The following AK8 variants were observed in gnomAD, a reference collection of about 807,000 sequenced individuals.
AK8 encodes the protein adenylate kinase 8.
A neutral mutation model predicts 54.6 loss-of-function variants in AK8; 44 were observed. That is an observed-to-expected ratio of 0.81 (90% CI 0.63 to 1.04). AK8 has a LOEUF of 1.04. AK8 is among the 50% of genes least tolerant of loss of function. The probability of loss-of-function intolerance (pLI) is 0.00; values close to 1 mark genes in which losing one functional copy is unlikely to be tolerated. For missense variants in AK8, 555 were observed against 613.6 expected, an observed-to-expected ratio of 0.90 and a Z score of 1.01; for synonymous variants, 239 against 245.6, an observed-to-expected ratio of 0.97 and a Z score of 0.25.
At position 132,857,820 on chromosome 9, in the gene AK8, C is replaced by T. The variant is rs146033012; in HGVS notation, c.334-2895G>A. ...CAGGGGACAGGCCTGCGGCTTTGAG[C>T]GCAGCTACTCCTGAGCGCCCCCCGC... On this transcript the variant is annotated intron_variant, in intron 4 of 12. Coordinates refer to ENST00000298545, the MANE Select transcript of AK8 (RefSeq NM_152572.3). Among the ~76,000 whole-genome samples the T allele has an allele frequency of 7.4e-3, 1,122 of 152,288 alleles. 48 individuals are homozygous for T. Among genetic ancestry groups the T allele is most frequent in the Admixed American group, 0.063 (961 of 15,304 alleles).
At chr9:132,823,122 C>T (rs1010721286) in intron 9 of AK8, 83 bp downstream of exon 9, 4 of 1,474,464 alleles carry the variant, frequency 2.7e-6, no homozygotes, top group African/African-American at 1.5e-5. Flanking sequence ...ACACCACCCC[C>T]CATAAAATGA....
intron 8 of AK8, among the ~76,000 whole-genome samples, chr9:132,824,441 C>T (rs1841791531): frequency 2.0e-5 from 3 of 152,200 alleles, no homozygotes; most frequent in Admixed American, 6.5e-5. Flanking sequence ...GGCCATCGTG[C>T]CTCCTTCAGG....
intron 4 of AK8, among the ~76,000 whole-genome samples, chr9:132,862,515 A>G (rs2526005): frequency 0.76 from 115,797 of 151,806 alleles, 44,353 homozygotes; most frequent in South Asian, 0.86. Context: ...TTTTGGTAGA[A>G]ATAGGGTTTC....
intron 11 of AK8, among the ~76,000 whole-genome samples, chr9:132,745,591 G>C (rs994796782): frequency 6.6e-6 from 1 of 152,016 alleles, no homozygotes; most frequent in Admixed American, 6.6e-5. Context: ...TGTTCTCTTC[G>C]GGACACTAAT....
chr9:132,874,545 G>A (rs753688151), intron 2 of AK8: 70 of 153,782 alleles, frequency 4.6e-4, no homozygotes, highest in Admixed American at 9.6e-4. Context: ...ACCATGGAGT[G>A]GAGTGAGGGG....
intron 9 of AK8, among the ~76,000 whole-genome samples, chr9:132,821,774 TG>T: frequency 7.0e-6 from 1 of 141,956 alleles, no homozygotes; most frequent in African/African-American, 2.6e-5. Flanking sequence ...TATATGTATA[TG>T]TGTATGTATA....
At chr9:132,831,561 G>A (rs750792426) in intron 5 of AK8, among the ~76,000 whole-genome samples, 73 of 151,978 alleles carry the variant, frequency 4.8e-4, no homozygotes, top group Non-Finnish European at 8.1e-4. Flanking sequence ...TAGGAAGCGG[G>A]GTCAGGCAAC....
chr9:132,758,249 A>C (rs1403818539), intron 11 of AK8, among the ~76,000 whole-genome samples: 2 of 152,218 alleles, frequency 1.3e-5, no homozygotes, highest in African/African-American at 4.8e-5. Flanking sequence ...GCGGAGCCAC[A>C]CATACGGCAT....
At chr9:132,780,800 C>T (rs1026733694) in intron 11 of AK8, among the ~76,000 whole-genome samples, 8 of 152,094 alleles carry the variant, frequency 5.3e-5, no homozygotes, top group Admixed American at 1.3e-4. Flanking sequence ...ATTAAAACTC[C>T]CTGCTACCAT....
chr9:132,729,524 C>A (rs1836734215), intron 11 of AK8, among the ~76,000 whole-genome samples: 1 of 152,224 alleles, frequency 6.6e-6, no homozygotes, highest in African/African-American at 2.4e-5. Context: ...TCATCTGGTT[C>A]ATTTTTAAAA....
At chr9:132,862,109 AC>A (rs900118287) in intron 4 of AK8, among the ~76,000 whole-genome samples, 5 of 152,158 alleles carry the variant, frequency 3.3e-5, no homozygotes, top group Non-Finnish European at 7.3e-5. Flanking sequence ...AAATGAGATA[AC>A]CACTTTCTTT....
At chr9:132,832,059 C>T (rs10115366) in intron 5 of AK8, among the ~76,000 whole-genome samples, 2 of 80,540 alleles carry the variant, frequency 2.5e-5, no homozygotes, top group African/African-American at 5.1e-5. Flanking sequence ...GAGACCTTGT[C>T]TCTGAAAAAA....
chr9:132,795,978 T>C (rs1840153266), intron 10 of AK8, among the ~76,000 whole-genome samples: 2 of 152,312 alleles, frequency 1.3e-5, no homozygotes, highest in East Asian at 1.9e-4. Context: ...AATAATCAAG[T>C]ATGGCTTGGA....
At chr9:132,772,320 C>G (rs747737417) in intron 11 of AK8, among the ~76,000 whole-genome samples, 1 of 152,186 alleles carries the variant, frequency 6.6e-6, no homozygotes, top group Non-Finnish European at 1.5e-5. Context: ...CCTGTGAAGC[C>G]CTCACCCCCA....
intron 4 of AK8, among the ~76,000 whole-genome samples, chr9:132,863,252 G>A (rs1484950937): frequency 6.6e-6 from 1 of 152,208 alleles, no homozygotes; most frequent in East Asian, 1.9e-4. Flanking sequence ...TCCACTCTGG[G>A]GACAGCTGGA....
chr9:132,857,761 C>T (rs142524956), intron 4 of AK8, among the ~76,000 whole-genome samples: 1,710 of 152,308 alleles, frequency 0.011, 19 homozygotes, highest in Non-Finnish European at 0.018. Context: ...CGGACAGCCC[C>T]GGTGGGGCAC....
intron 11 of AK8, among the ~76,000 whole-genome samples, chr9:132,779,049 C>T (rs575964767): frequency 6.7e-6 from 1 of 148,724 alleles, no homozygotes; most frequent in East Asian, 2.0e-4. Flanking sequence ...CAATGAGTGT[C>T]TTTAAAATGT....
chr9:132,750,619 T>C (rs576591809), intron 11 of AK8, among the ~76,000 whole-genome samples: 35 of 151,958 alleles, frequency 2.3e-4, no homozygotes, highest in African/African-American at 8.4e-4. Context: ...AGCTCTTACT[T>C]GTGGACTAGC....
At chr9:132,728,744 A>G (rs1467700187) in intron 11 of AK8, among the ~76,000 whole-genome samples, 2 of 152,094 alleles carry the variant, frequency 1.3e-5, no homozygotes. Context: ...CACTCCTGCT[A>G]ATAAGCCCAA....
Sources: gnomAD v4.1 joint callset for allele counts (sites outside exome capture counted in the v4.1 genomes callset) on GRCh38, gnomAD v4.1.1 for gene constraint, MANE v1.5 for transcripts, NCBI Gene and HGNC (gene_info 2026-07-23, HGNC 2026-07-21) for gene names.